Variants in ROBO1 observed in about 807,000 individuals in gnomAD.
ROBO1 encodes roundabout homolog 1.
A neutral mutation model predicts 195.9 loss-of-function variants in ROBO1; 149 were observed. That is an observed-to-expected ratio of 0.76 (90% CI 0.67 to 0.87). The LOEUF (loss-of-function observed/expected upper bound fraction) is 0.87, where lower values mean the gene tolerates loss of function less well. Among genes scored for constraint, ROBO1 ranks in the 40% least tolerant of loss-of-function variants. The pLI, the probability that ROBO1 is intolerant of heterozygous loss-of-function variation, is 0.00. For synonymous variants in ROBO1, 816 were observed against 733.2 expected (o/e 1.11, Z -1.82); for missense variants, 1,933 against 2,068.3 (o/e 0.93, Z 1.27).
intron 2 of ROBO1, among the ~76,000 whole-genome samples, chr3:79,364,492 C>T (rs1185349541): frequency 6.6e-6 from 1 of 151,756 alleles, no homozygotes; most frequent in African/African-American, 2.4e-5. Context: ...ATATATTTTT[C>T]CATATTCTAG....
chr3:79,521,128 A>G lies in ROBO1; in HGVS notation c.88+68696T>C, dbSNP rs1941190962. On this transcript the variant is annotated intron_variant, in intron 2 of 30. Transcript: ENST00000464233. ...GTGAAAGCAATCATCTCCTCTCCCC[A>G]CAATTGCTCCTTTTCTGATTGGAGT... is the stretch of plus-strand genomic sequence containing the variant. Among the ~76,000 whole-genome samples the G allele has an allele frequency of 2.0e-5, 3 of 152,196 alleles. No individual in the cohort carries two copies. The South Asian group carries it at 6.2e-4, about 32-fold the overall frequency.
At chr3:79,112,807 A>G (rs2079912202) in intron 3 of ROBO1, among the ~76,000 whole-genome samples, 1 of 152,046 alleles carries the variant, frequency 6.6e-6, no homozygotes, top group African/African-American at 2.4e-5. Flanking sequence ...AGATATACCT[A>G]ATGGTAAATG....
At chr3:79,093,663 T>A (rs9863662) in intron 3 of ROBO1, among the ~76,000 whole-genome samples, 1 of 151,982 alleles carries the variant, frequency 6.6e-6, no homozygotes, top group Non-Finnish European at 1.5e-5. Context: ...TCTAGGCAGT[T>A]GTTTTTAAGA....
chr3:78,709,492 T>C (rs1453040710), intron 8 of ROBO1, among the ~76,000 whole-genome samples: 1 of 152,196 alleles, frequency 6.6e-6, no homozygotes, highest in Non-Finnish European at 1.5e-5. Context: ...TTTGCCTCTT[T>C]CCTAAGTAAA....
intron 2 of ROBO1, among the ~76,000 whole-genome samples, chr3:79,557,306 T>C (rs1310819418): frequency 6.6e-6 from 1 of 152,182 alleles, no homozygotes; most frequent in African/African-American, 2.4e-5. Flanking sequence ...GTCTCTTATT[T>C]ATCCGTGTAA....
rs138616452 is a variant in ROBO1, at chr3:79,376,883, G to A, written c.88+212941C>T. On this transcript the variant is annotated intron_variant, in intron 2 of 30. Coordinates refer to ENST00000464233, the MANE Select transcript of ROBO1 (RefSeq NM_002941.4). ...AATGAATAAAGAGATTGTCTCCAAG[G>A]AAACCAAGAAAATAACAAGATGTAA... Among the ~76,000 whole-genome samples the A allele has an allele frequency of 2.6e-3, 402 of 152,150 alleles. 1 individual carries two copies. The highest frequency in any genetic ancestry group is 9.2e-3 in the African/African-American group (384 of 41,522).
intron 2 of ROBO1, among the ~76,000 whole-genome samples, chr3:79,416,620 G>A (rs577338776): frequency 6.8e-5 from 10 of 147,640 alleles, no homozygotes; most frequent in South Asian, 2.1e-4. Context: ...AAAAAAAACC[G>A]AAAGAAAGAA....
chr3:78,647,228 G>A (rs1706355115), intron 20 of ROBO1, among the ~76,000 whole-genome samples: 1 of 152,014 alleles, frequency 6.6e-6, no homozygotes, highest in Admixed American at 6.6e-5. Flanking sequence ...TAACAATATT[G>A]ATTCTGGGGA....
chr3:79,143,351 A>T (rs2080571031), intron 2 of ROBO1, among the ~76,000 whole-genome samples: 2 of 152,018 alleles, frequency 1.3e-5, no homozygotes, highest in African/African-American at 4.8e-5. Context: ...ATTCTCTCTA[A>T]TTATACATAA....
intron 2 of ROBO1, among the ~76,000 whole-genome samples, chr3:79,376,632 T>G (rs1265276591): frequency 1.3e-5 from 2 of 152,138 alleles, no homozygotes; most frequent in African/African-American, 4.8e-5. Context: ...CCATGTAAGT[T>G]GTGCCTTTGC....
At chr3:79,656,525 T>TTATC (rs752250435) in intron 1 of ROBO1, among the ~76,000 whole-genome samples, 13 of 152,162 alleles carry the variant, frequency 8.5e-5, no homozygotes, top group South Asian at 2.1e-4. Flanking sequence ...TGTCTATCAA[T>TTATC]TATCTATCTA....
chr3:79,575,457 A>C (rs1312791613), intron 2 of ROBO1, among the ~76,000 whole-genome samples: 1 of 135,488 alleles, frequency 7.4e-6, no homozygotes, highest in South Asian at 2.2e-4. Context: ...ATATAAATAT[A>C]TATAACAAAT....
intron 3 of ROBO1, among the ~76,000 whole-genome samples, chr3:79,077,961 T>G (rs1672371959): frequency 6.6e-6 from 1 of 151,844 alleles, no homozygotes; most frequent in Non-Finnish European, 1.5e-5. Flanking sequence ...CTAGTTATTA[T>G]GAGTGATGAA....
intron 4 of ROBO1, among the ~76,000 whole-genome samples, chr3:78,885,909 T>TTATATA (rs10651992): frequency 0.038 from 4,508 of 117,506 alleles, 131 homozygotes; most frequent in East Asian, 0.1. Flanking sequence ...TAGCAAAATT[T>TTATATA]TATATATATA....
intron 2 of ROBO1, among the ~76,000 whole-genome samples, chr3:79,536,549 T>C (rs1470477943): frequency 6.6e-6 from 1 of 152,200 alleles, no homozygotes; most frequent in Non-Finnish European, 1.5e-5. Context: ...ATTAATTTGA[T>C]TGCACACAGA....
Position 78,760,125 on chromosome 3 carries a change from A to G in ROBO1, c.500-13225T>C, listed in dbSNP as rs189363933. On this transcript the variant is annotated intron_variant, in intron 4 of 30. Coordinates refer to ENST00000464233, the MANE Select transcript of ROBO1 (RefSeq NM_002941.4). ...GGGAAACCTCTTGCGCTTGGCTCTCACTCCTCTTTTCCGCCGCTATGTGAG... is the reference window on the plus strand; with the variant it reads ...GGGAAACCTCTTGCGCTTGGCTCTCGCTCCTCTTTTCCGCCGCTATGTGAG... Among the ~76,000 whole-genome samples, 13 of 151,360 alleles carry G rather than the reference A, an allele frequency of 8.6e-5. No homozygotes were observed. The East Asian group carries it at 2.0e-3, about 23-fold the overall frequency.
chr3:79,026,375 C>G (rs939779134), intron 3 of ROBO1, among the ~76,000 whole-genome samples: 11 of 152,012 alleles, frequency 7.2e-5, no homozygotes, highest in Non-Finnish European at 1.5e-4. Flanking sequence ...TCAGTTCTAG[C>G]TGAAGAAAGC....
chr3:79,515,998 G>A (rs1559957387), intron 2 of ROBO1, among the ~76,000 whole-genome samples: 1 of 152,044 alleles, frequency 6.6e-6, no homozygotes, highest in African/African-American at 2.4e-5. Flanking sequence ...GCTTTAACAA[G>A]GAAAAGGAAG....
intron 4 of ROBO1, among the ~76,000 whole-genome samples, chr3:78,861,253 C>T (rs565681834): frequency 3.3e-5 from 5 of 152,246 alleles, no homozygotes; most frequent in East Asian, 1.9e-4. Context: ...GGCTAGAAAG[C>T]GTCATATCTT....
Sources: allele counts gnomAD v4.1 joint callset (sites outside exome capture counted in the v4.1 genomes callset), GRCh38; gene constraint gnomAD v4.1.1; transcripts MANE v1.5; gene names NCBI Gene and HGNC (gene_info 2026-07-23, HGNC 2026-07-21).